QTRT2: variants seen among roughly 807,000 people sequenced by gnomAD.
QTRT2 encodes the protein queuine tRNA-ribosyltransferase domain containing 1.
In QTRT2, 32 loss-of-function variants were observed where a neutral mutation model predicts 44.8. The ratio of observed to expected loss-of-function variants is 0.71; its 90% CI spans 0.54 to 0.96. QTRT2 has a LOEUF of 0.96. QTRT2 is among the 40% of genes least tolerant of loss of function. The pLI is 0.00. For synonymous variants in QTRT2, 182 were observed against 187.4 expected, an observed-to-expected ratio of 0.97 and a Z score of 0.24; for missense variants, 461 against 503.1, an observed-to-expected ratio of 0.92 and a Z score of 0.80.
In QTRT2 at chr3:114,065,446, G is replaced by T. The variant is rs1422229022; in HGVS notation, c.189G>T (p.Thr63=). 1.9e-6 allele frequency: 3 copies of T among 1,612,852 alleles called. No individual in the cohort carries two copies. The highest frequency in any genetic ancestry group is 2.5e-6 in the Non-Finnish European group (3 of 1,179,118). ...IHGVPAMAQL[T]LSSLAEHHEV... ...GGGTTCCTGCCATGGCTCAGCTTAC[G>T]CTGTCATCCCTGTAAGTGTTAGAAC... The change falls in exon 3 of 10, where the codon ACG becomes ACT. Residue 63 remains threonine, a synonymous_variant. Coordinates refer to ENST00000281273, the MANE Select transcript of QTRT2 (RefSeq NM_024638.4).
At position 114,056,865 on chromosome 3, in the gene QTRT2, G is replaced by T. The variant is rs1033835146; in HGVS notation, c.-130+1G>T. On this transcript the variant is annotated splice_donor_variant, in intron 1 of 9. Coordinates refer to ENST00000281273, the MANE Select transcript of QTRT2 (RefSeq NM_024638.4). LOFTEE classifies it low-confidence loss of function (5UTR_SPLICE). ...AAAGAGTCGAATGGTTTGTTGGCAG[G>T]TAAGTGCCCCTTTGCCCTGCTGGTG... The T allele has an allele frequency of 1.3e-6, 2 of 1,535,980 alleles. No individual in the cohort carries two copies. Among genetic ancestry groups the T allele is most frequent in the East Asian group, 2.4e-5 (1 of 40,922 alleles).
chr3:114,086,119 C>G lies in QTRT2; in HGVS notation c.*215C>G. 1.9e-6 allele frequency: 1 copy of G among 527,840 alleles called. No homozygotes were observed. Among genetic ancestry groups the G allele is most frequent in the Non-Finnish European group, 3.4e-6 (1 of 293,136 alleles). 32.7% of individuals were successfully genotyped at this position (527,840 alleles called of 1,614,324 possible). ...CCTGGATTGATCAGAGAGAATTGAA[C>G]TGTGACCTTTAAGACTTCTAGACTA... On this transcript the variant is annotated 3_prime_UTR_variant, in exon 10 of 10. Transcript: ENST00000281273.
At chr3:114,074,850 T>A (rs1448917450) in intron 6 of QTRT2, among the ~76,000 whole-genome samples, 3 of 152,274 alleles carry the variant, frequency 2.0e-5, no homozygotes, top group Non-Finnish European at 4.4e-5. Context: ...ATCCTGAAAC[T>A]CTTTCTCTAT....
intron 2 of QTRT2, among the ~76,000 whole-genome samples, chr3:114,063,429 A>C (rs1240763607): frequency 6.6e-6 from 1 of 152,208 alleles, no homozygotes; most frequent in Non-Finnish European, 1.5e-5. Context: ...CAGTTTTCTT[A>C]AATGAACCTT....
At chr3:114,067,856 C>A in intron 4 of QTRT2, 131 bp from the exon 5 acceptor site, 1 of 666,522 alleles carries the variant, frequency 1.5e-6, no homozygotes, top group Non-Finnish European at 2.7e-6. Flanking sequence ...ATTCCAAGTT[C>A]AGATACAACC....
intron 9 of QTRT2, chr3:114,083,113 T>C (rs971567370): frequency 4.5e-4 from 133 of 292,458 alleles, no homozygotes; most frequent in African/African-American, 2.9e-3. Flanking sequence ...CAACAAAGTT[T>C]TAAATTGTAG....
At chr3:114,084,697 G>T (rs1379892063) in intron 9 of QTRT2, among the ~76,000 whole-genome samples, 1 of 152,170 alleles carries the variant, frequency 6.6e-6, no homozygotes, top group Non-Finnish European at 1.5e-5. Context: ...AACTGTCTGA[G>T]ATAGGCACTG....
At position 114,079,757 on chromosome 3, in the gene QTRT2, TG is replaced by T. The variant is rs534062412; in HGVS notation, c.747-148del. 456 of 621,712 alleles carry T rather than the reference TG, an allele frequency of 7.3e-4. 4 individuals are homozygous for T. Among genetic ancestry groups the T allele is most frequent in the African/African-American group, 7.3e-3 (389 of 53,206 alleles). 38.5% of individuals were successfully genotyped at this position (621,712 alleles called of 1,614,324 possible). ...CTCCAAAGCCATATGTTCTTTCTGC[TG>T]CATGTTGCTGTCCACTGCCTGCCAC... On this transcript the variant is annotated intron_variant, in intron 7 of 9. Transcript: ENST00000281273.
chr3:114,067,193 C>T (rs755452215), intron 4 of QTRT2, among the ~76,000 whole-genome samples: 23 of 152,036 alleles, frequency 1.5e-4, no homozygotes, highest in Non-Finnish European at 2.9e-5. Context: ...TTGACCTGAG[C>T]CCAATTTTAA....
rs1167990511 is a variant in QTRT2, at chr3:114,085,739, G to T, written c.1083G>T (p.Arg361=). 1.2e-6 allele frequency: 2 copies of T among 1,614,138 alleles called. No homozygotes were observed. Among genetic ancestry groups the T allele is most frequent in the South Asian group, 2.2e-5 (2 of 91,078 alleles). ...CSCYCCKNHT[R]AYIHHLLVTN... is the part of the protein sequence containing the mutation. ...GTTACTGCTGTAAGAATCACACTCG[G>T]GCATACATCCACCATCTGCTGGTGA... Residue 361 remains arginine (R), a synonymous_variant, in exon 10 of 10, where the codon CGG becomes CGT. Transcript: ENST00000281273.
intron 7 of QTRT2, chr3:114,078,346 TAGG>T (rs1186319025): frequency 1.3e-5 from 2 of 152,270 alleles, no homozygotes; most frequent in African/African-American, 4.8e-5. Context: ...TTCAGTTGGA[TAGG>T]AGTTCTAAAA....
In QTRT2 at chr3:114,085,532, AT is replaced by A; in HGVS notation, c.1017-137del. 1.5e-5 allele frequency: 11 copies of A among 753,548 alleles called. No individual in the cohort carries two copies. The South Asian group carries it at 1.6e-4, about 11-fold the overall frequency. The allele number at this position is 753,548 out of a possible 1,614,324, so 46.7% of individuals were successfully genotyped here. A position where few individuals can be genotyped will look rare whatever the true frequency, so the allele number is the denominator to read the frequency against. The stretch of plus-strand genomic sequence containing the variant: ...TTTGTTAACTTTTAACCATATTGCC[AT>A]TTTAAGCAGGTGCACAGCACTGAAC... On this transcript the variant is annotated intron_variant, in intron 9 of 9. Coordinates refer to ENST00000281273, the MANE Select transcript of QTRT2 (RefSeq NM_024638.4).
At chr3:114,081,481 T>C (rs993114084) in intron 8 of QTRT2, among the ~76,000 whole-genome samples, 1 of 152,216 alleles carries the variant, frequency 6.6e-6, no homozygotes, top group Admixed American at 6.5e-5. Context: ...ATGAAAATTA[T>C]AAGAAAACCT....
intron 4 of QTRT2, among the ~76,000 whole-genome samples, chr3:114,067,011 C>G (rs1286325745): frequency 6.6e-6 from 1 of 152,186 alleles, no homozygotes; most frequent in Non-Finnish European, 1.5e-5. Context: ...ATCAGTTCTT[C>G]TATACACCGC....
At chr3:114,084,182 C>A (rs2077205402) in intron 9 of QTRT2, among the ~76,000 whole-genome samples, 1 of 151,946 alleles carries the variant, frequency 6.6e-6, no homozygotes, top group African/African-American at 2.4e-5. Flanking sequence ...CCTGCCTCAG[C>A]CTCCCAAGTA....
intron 2 of QTRT2, among the ~76,000 whole-genome samples, chr3:114,062,579 A>G (rs1042461200): frequency 6.6e-6 from 1 of 152,098 alleles, no homozygotes; most frequent in African/African-American, 2.4e-5. Flanking sequence ...TCTAAAGTCT[A>G]ATGGTAATTA....
intron 2 of QTRT2, among the ~76,000 whole-genome samples, chr3:114,058,809 G>A (rs1236924093): frequency 3.3e-5 from 5 of 152,170 alleles, no homozygotes; most frequent in African/African-American, 1.2e-4. Flanking sequence ...GGGATTACAG[G>A]CGTGAGCCAC....
At chr3:114,064,478 G>A (rs973400308) in intron 2 of QTRT2, among the ~76,000 whole-genome samples, 1 of 152,284 alleles carries the variant, frequency 6.6e-6, no homozygotes, top group African/African-American at 2.4e-5. Context: ...TCATTTAGGA[G>A]CACCCAACAA....
chr3:114,069,439 T>C (rs966024043), intron 5 of QTRT2, among the ~76,000 whole-genome samples: 6 of 152,178 alleles, frequency 3.9e-5, no homozygotes, highest in Admixed American at 6.5e-5. Context: ...TGTTCCCTTC[T>C]TTGTGTCCAT....
Sources: allele counts gnomAD v4.1 joint callset (sites outside exome capture counted in the v4.1 genomes callset), GRCh38; gene constraint gnomAD v4.1.1; transcripts MANE v1.5; gene names NCBI Gene and HGNC (gene_info 2026-07-23, HGNC 2026-07-21).